The following POPDC1 variants were observed in gnomAD, a reference collection of about 807,000 sequenced individuals.
POPDC1 encodes popeye domain-containing protein 1.
chr6:105,098,684 T>G, the POPDC1 span: 1 of 152,208 alleles, frequency 6.6e-6, no homozygotes, highest in Non-Finnish European at 1.5e-5. Context: ...CTCGGCACTA[T>G]GACATCACAG....
At chr6:105,118,069 C>T in the POPDC1 span, among the ~76,000 whole-genome samples, 381 of 152,172 alleles carry the variant, frequency 2.5e-3, 2 homozygotes, top group Non-Finnish European at 4.2e-3. Flanking sequence ...GACCTCATCT[C>T]AAAAACAAAA....
At chr6:105,116,764 ATACC>A in the POPDC1 span, 1 of 1,611,974 alleles carries the variant, frequency 6.2e-7, no homozygotes, top group Non-Finnish European at 8.5e-7. Flanking sequence ...TTCCAATAAG[ATACC>A]TAAAGATTTC....
the POPDC1 span, chr6:105,136,082 T>C: frequency 2.0e-4 from 30 of 152,316 alleles, 1 homozygote; most frequent in Admixed American, 1.9e-3. Context: ...ACATTAAACC[T>C]CTACCAAACT....
chr6:105,114,834 T>C, the POPDC1 span, among the ~76,000 whole-genome samples: 1 of 152,222 alleles, frequency 6.6e-6, no homozygotes, highest in African/African-American at 2.4e-5. Context: ...CACAAGGGTG[T>C]TGAGTGATCT....
the POPDC1 span, among the ~76,000 whole-genome samples, chr6:105,132,574 A>G: frequency 6.6e-6 from 1 of 152,212 alleles, no homozygotes; most frequent in Non-Finnish European, 1.5e-5. Context: ...CTCAAGGATG[A>G]AGACGGCCTT....
chr6:105,131,270 T>C, the POPDC1 span, among the ~76,000 whole-genome samples: 1 of 152,140 alleles, frequency 6.6e-6, no homozygotes, highest in African/African-American at 2.4e-5. Context: ...TAATATTTCA[T>C]AGCAAATAGT....
the POPDC1 span, among the ~76,000 whole-genome samples, chr6:105,120,956 G>A: frequency 6.6e-6 from 1 of 152,162 alleles, no homozygotes; most frequent in Non-Finnish European, 1.5e-5. Context: ...TTCAAAAGTG[G>A]CAGAGGAAAT....
chr6:105,101,526 G>A, the POPDC1 span, among the ~76,000 whole-genome samples: 1 of 152,144 alleles, frequency 6.6e-6, no homozygotes, highest in Non-Finnish European at 1.5e-5. Context: ...GACTCAGAAC[G>A]CATGTTCCTA....
chr6:105,103,753 T>C, the POPDC1 span, among the ~76,000 whole-genome samples: 1 of 152,306 alleles, frequency 6.6e-6, no homozygotes, highest in Non-Finnish European at 1.5e-5. Context: ...AGGAAGGACA[T>C]CCTACAGTTA....
chr6:105,125,737 T>C, the POPDC1 span, among the ~76,000 whole-genome samples: 1 of 152,184 alleles, frequency 6.6e-6, no homozygotes, highest in Non-Finnish European at 1.5e-5. Flanking sequence ...GCAAGTGAAA[T>C]GGTGATAGAA....
the POPDC1 span, among the ~76,000 whole-genome samples, chr6:105,114,951 T>C: frequency 6.6e-6 from 1 of 152,236 alleles, no homozygotes; most frequent in Non-Finnish European, 1.5e-5. Context: ...TTGTCTACCA[T>C]TTAGTAAAAC....
At chr6:105,135,194 T>C in the POPDC1 span, among the ~76,000 whole-genome samples, 1 of 152,228 alleles carries the variant, frequency 6.6e-6, no homozygotes, top group Non-Finnish European at 1.5e-5. Context: ...TTCCAAGGCC[T>C]AGCCTCTGTA....
the POPDC1 span, chr6:105,133,419 T>C: frequency 1.2e-6 from 2 of 1,613,842 alleles, no homozygotes; most frequent in South Asian, 2.2e-5. Context: ...CCAACCCAAC[T>C]GCAAAACAAA....
At chr6:105,133,370 T>C in the POPDC1 span, 1 of 1,613,010 alleles carries the variant, frequency 6.2e-7, no homozygotes, top group African/African-American at 1.3e-5. Flanking sequence ...AACATTCCCC[T>C]AAGAAATATC....
the POPDC1 span, chr6:105,099,745 C>T: frequency 6.6e-6 from 1 of 152,480 alleles, no homozygotes; most frequent in East Asian, 1.9e-4. Context: ...ACGTTCGCAG[C>T]TCTGGCACTG....
At chr6:105,122,727 C>T in the POPDC1 span, among the ~76,000 whole-genome samples, 5 of 152,130 alleles carry the variant, frequency 3.3e-5, no homozygotes, top group African/African-American at 7.2e-5. Flanking sequence ...AAAGAAGATG[C>T]GGCCCTGCAC....
chr6:105,135,356 C>G, the POPDC1 span, among the ~76,000 whole-genome samples: 1 of 152,176 alleles, frequency 6.6e-6, no homozygotes, highest in Non-Finnish European at 1.5e-5. Flanking sequence ...TTCTACACCA[C>G]AAGCCACCAG....
At chr6:105,101,149 A>G in the POPDC1 span, 1 of 1,613,632 alleles carries the variant, frequency 6.2e-7, no homozygotes, top group African/African-American at 1.3e-5. Flanking sequence ...CGTCATCATC[A>G]TCTTCTGCTC....
the POPDC1 span, chr6:105,124,784 A>G: frequency 1.6e-5 from 11 of 683,206 alleles, no homozygotes; most frequent in Non-Finnish European, 2.2e-5. Flanking sequence ...GATGATGGAC[A>G]TAACTAAAAG....
Sources: gnomAD v4.1 joint callset for allele counts (sites outside exome capture counted in the v4.1 genomes callset) on GRCh38, gnomAD v4.1.1 for gene constraint, MANE v1.5 for transcripts, NCBI Gene and HGNC (gene_info 2026-07-23, HGNC 2026-07-21) for gene names.